Variants in CENPH observed in about 807,000 individuals in gnomAD.
CENPH encodes the protein CENP-H.
In CENPH, 40 loss-of-function variants were observed where a neutral mutation model predicts 42.9. The ratio of observed to expected loss-of-function variants is 0.93; its 90% CI spans 0.72 to 1.21. The LOEUF is 1.21. CENPH is among the 50% of genes most tolerant of loss of function. The pLI is 0.00. For missense variants in CENPH, 302 were observed against 292.9 expected (o/e 1.03, Z -0.23); for synonymous variants, 88 against 96.5 (o/e 0.91, Z 0.52).
intron 7 of CENPH, among the ~76,000 whole-genome samples, chr5:69,207,522 C>G (rs1461116793): frequency 3.4e-5 from 5 of 148,978 alleles, no homozygotes; most frequent in Admixed American, 3.4e-4. Flanking sequence ...AAGTAAGATT[C>G]CTTGGCCGGG....
At chr5:69,191,726 G>A (rs956111944) in intron 1 of CENPH, 69 bp from the exon 2 acceptor site, 36 of 857,320 alleles carry the variant, frequency 4.2e-5, no homozygotes, top group African/African-American at 3.2e-4. Flanking sequence ...GAGTTGGTTC[G>A]TCATGTGGTA....
intron 5 of CENPH, among the ~76,000 whole-genome samples, chr5:69,201,883 C>G (rs1303262335): frequency 6.6e-6 from 1 of 152,122 alleles, no homozygotes; most frequent in East Asian, 1.9e-4. Context: ...AGGCTATACA[C>G]AAGCAAGAGT....
Position 69,194,790 on chromosome 5 carries a change from A to G in CENPH, c.239+95A>G, listed in dbSNP as rs866724414. On this transcript the variant is annotated intron_variant, in intron 3 of 8. Coordinates refer to ENST00000283006, the MANE Select transcript of CENPH (RefSeq NM_022909.4). The stretch of plus-strand genomic sequence containing the variant: ...GTTAGATGGAGTCTCACTATCATGC[A>G]GGCTAGAGTGCAGTGGTGTGATCAT... 17 of 758,266 alleles carry G rather than the reference A, an allele frequency of 2.2e-5. No homozygotes were observed. In the African/African-American group the frequency reaches 2.5e-4, roughly 11 times the overall value. The allele number at this position is 758,266 out of a possible 1,614,324, so 47.0% of individuals were successfully genotyped here.
intron 7 of CENPH, among the ~76,000 whole-genome samples, chr5:69,204,237 A>G (rs1197074376): frequency 6.6e-6 from 1 of 150,998 alleles, no homozygotes; most frequent in Admixed American, 6.7e-5. Flanking sequence ...AAGGTATACA[A>G]AGGAAAAGTT....
chr5:69,195,848 G>T, intron 4 of CENPH, 57 bp downstream of exon 4: 2 of 826,856 alleles, frequency 2.4e-6, no homozygotes, highest in South Asian at 3.0e-5. Flanking sequence ...TGGGTATGAG[G>T]GGAAAGTGGA....
At position 69,199,512 on chromosome 5, in the gene CENPH, C is replaced by T. The variant is rs116317153; in HGVS notation, c.371+2403C>T. ...TTATATAGCAGGGAAGATATGTACC[C>T]ATGTATGGGAAGACAGGAATTAGGG... On this transcript the variant is annotated intron_variant, in intron 5 of 8. Transcript: ENST00000283006. Among the ~76,000 whole-genome samples the T allele has an allele frequency of 5.8e-3, 877 of 152,192 alleles. 15 individuals carry two copies. Among genetic ancestry groups the T allele is most frequent in the African/African-American group, 0.02 (840 of 41,528 alleles).
chr5:69,192,000 C>T (rs1747879862), intron 2 of CENPH, 150 bp downstream of exon 2: 12 of 530,622 alleles, frequency 2.3e-5, no homozygotes, highest in Non-Finnish European at 4.0e-5. Flanking sequence ...ATCCTCCCAC[C>T]TCAGCCTCCC....
At position 69,210,095 on chromosome 5, in the gene CENPH, G is replaced by A. The variant is rs61743885; in HGVS notation, c.*296G>A. On this transcript the variant is annotated 3_prime_UTR_variant, in exon 9 of 9. Coordinates refer to ENST00000283006, the MANE Select transcript of CENPH (RefSeq NM_022909.4). Reference sequence around the variant, plus strand: ...CGGCTCACTGCAACCTCTGCCTCCCGGGTTCAAGCAGTTCTGCCTCAGCCT... The same window carrying A: ...CGGCTCACTGCAACCTCTGCCTCCCAGGTTCAAGCAGTTCTGCCTCAGCCT... 27,512 of 186,054 alleles carry A rather than the reference G, an allele frequency of 0.15. 2,224 individuals carry two copies. Among genetic ancestry groups the A allele is most frequent in the African/African-American group, 0.21 (8,800 of 42,068 alleles). 11.5% of individuals were successfully genotyped at this position (186,054 alleles called of 1,614,324 possible).
intron 4 of CENPH, 71 bp from the exon 5 acceptor site, chr5:69,196,982 T>A: frequency 1.1e-6 from 1 of 933,044 alleles, no homozygotes; most frequent in East Asian, 2.6e-5. Flanking sequence ...ATCTTTTTCA[T>A]GTTTTGAATT....
chr5:69,189,650 C>T lies in CENPH; in HGVS notation c.16C>T (p.Gln6Ter). The change falls in exon 1 of 9, where the codon CAG (glutamine) becomes TAG (stop). Residue 6 changes from glutamine (Q) to a stop codon, truncating the protein, a stop_gained. Coordinates refer to ENST00000283006, the MANE Select transcript of CENPH (RefSeq NM_022909.4). LOFTEE classifies it high-confidence loss of function. MEEQP[Q>*]MQDADEPADS... is the part of the protein sequence containing the mutation. ...TCAACCAGCAATGGAGGAGCAGCCC[C>T]AGATGCAAGACGCCGACGAGCCCGC... 6.2e-7 allele frequency: 1 copy of T among 1,602,252 alleles called. No homozygotes were observed. The highest frequency in any genetic ancestry group is 8.5e-7 in the Non-Finnish European group (1 of 1,176,464).
intron 4 of CENPH, among the ~76,000 whole-genome samples, chr5:69,196,091 A>G (rs1329290546): frequency 6.6e-6 from 1 of 152,054 alleles, no homozygotes; most frequent in Non-Finnish European, 1.5e-5. Context: ...GGCATGCAAA[A>G]CCACGCTTGG....
rs538188404 is a variant in CENPH at position 69,196,373 on chromosome 5, G to A, written c.314+582G>A. ...TAATACACCTAACCTGGCTGGGCGC[G>A]GTGGCTCGCGCCTGTAATCCCAGCA... On this transcript the variant is annotated intron_variant, in intron 4 of 8. Transcript: ENST00000283006. Among the ~76,000 whole-genome samples the A allele has an allele frequency of 1.4e-4, 22 of 152,328 alleles. No individual in the cohort carries two copies. In the East Asian group the frequency reaches 3.9e-3, roughly 27 times the overall value.
rs1414138093 is a variant in CENPH, at chr5:69,209,768, T to C, written c.713T>C (p.Leu238Pro). Residue 238 changes from leucine (L) to proline (P), a missense_variant, in exon 9 of 9, where the codon CTG (leucine) becomes CCG (proline). Coordinates refer to ENST00000283006, the MANE Select transcript of CENPH (RefSeq NM_022909.4). ...GATCCTGCCCTTAAGGAAATTGTTC[T>C]GCAGCTTGAGAAGAATGTTGACATG... is the stretch of plus-strand genomic sequence containing the variant. ...AEDPALKEIVLQLEKNVDMM is the reference protein window; with the variant it reads ...AEDPALKEIVPQLEKNVDMM 1 of 1,602,578 alleles carries C rather than the reference T, an allele frequency of 6.2e-7. No individual in the cohort carries two copies. The highest frequency in any genetic ancestry group is 8.5e-7 in the Non-Finnish European group (1 of 1,170,894).
intron 2 of CENPH, among the ~76,000 whole-genome samples, chr5:69,193,769 A>G (rs1747918988): frequency 6.8e-6 from 1 of 147,396 alleles, no homozygotes; most frequent in South Asian, 2.1e-4. Context: ...TCACTGCCTC[A>G]GCCTCTCAAG....
At chr5:69,205,473 C>T (rs984886619) in intron 7 of CENPH, among the ~76,000 whole-genome samples, 5 of 151,988 alleles carry the variant, frequency 3.3e-5, no homozygotes, top group Admixed American at 2.6e-4. Flanking sequence ...GTGTTCTCCC[C>T]GCCTCTGCCT....
At chr5:69,206,471 G>A (rs146686118) in intron 7 of CENPH, among the ~76,000 whole-genome samples, 192 of 150,478 alleles carry the variant, frequency 1.3e-3, no homozygotes, top group African/African-American at 4.5e-3. Context: ...ATGAGCCACC[G>A]TGCCCAGCCG....
chr5:69,206,288 T>C (rs1360788671), intron 7 of CENPH, among the ~76,000 whole-genome samples: 1 of 150,428 alleles, frequency 6.6e-6, no homozygotes, highest in Non-Finnish European at 1.5e-5. Context: ...TTCAAGCGAT[T>C]CTCCTGCCTC....
chr5:69,194,705 A>G lies in CENPH; in HGVS notation c.239+10A>G, dbSNP rs1369282919. On this transcript the variant is annotated intron_variant, in intron 3 of 8. Transcript: ENST00000283006. ...AAAAGCAAATCGAAGCGTATGTTAT[A>G]TTTAAAAATTTTGTTTATGGTCTTT... 1 of 1,543,670 alleles carries G rather than the reference A, an allele frequency of 6.5e-7. No individual in the cohort carries two copies.
chr5:69,197,320 AAG>A (rs1195810632), intron 5 of CENPH: 8 of 392,618 alleles, frequency 2.0e-5, no homozygotes, highest in African/African-American at 1.7e-4. Context: ...TAAGAAGCAG[AAG>A]AGTTTATCCA....
Sources: allele counts gnomAD v4.1 joint callset (sites outside exome capture counted in the v4.1 genomes callset), GRCh38; gene constraint gnomAD v4.1.1; transcripts MANE v1.5; gene names NCBI Gene and HGNC (gene_info 2026-07-23, HGNC 2026-07-21).